Variants in PROS1 observed in about 807,000 individuals in gnomAD.
PROS1 encodes protein S.
A neutral mutation model predicts 75.9 loss-of-function variants in PROS1; 29 were observed. The observed-to-expected ratio is 0.38, with a 90% CI of 0.28 to 0.52. The LOEUF is 0.52. Among genes scored for constraint, PROS1 ranks in the 20% least tolerant of loss-of-function variants. The pLI, the probability that PROS1 is intolerant of heterozygous loss-of-function variation, is 0.83. For missense variants in PROS1, 680 were observed against 810.3 expected (o/e 0.84, Z 1.95); for synonymous variants, 245 against 280.6 (o/e 0.87, Z 1.27).
At chr3:93,950,006 C>G (rs746400763) in intron 1 of PROS1, among the ~76,000 whole-genome samples, 1 of 152,176 alleles carries the variant, frequency 6.6e-6, no homozygotes, top group South Asian at 2.1e-4. Context: ...TTCCAATGGT[C>G]TTATCAAATG....
At chr3:93,901,598 C>T (rs1232657960) in intron 6 of PROS1, among the ~76,000 whole-genome samples, 1 of 152,118 alleles carries the variant, frequency 6.6e-6, no homozygotes, top group African/African-American at 2.4e-5. Flanking sequence ...TATTAGTGAA[C>T]TATTCTGTGT....
intron 3 of PROS1, among the ~76,000 whole-genome samples, chr3:93,922,167 T>C (rs188972824): frequency 2.2e-4 from 33 of 152,324 alleles, no homozygotes; most frequent in African/African-American, 7.2e-4. Flanking sequence ...TAGAGAAGAT[T>C]TGAAGGGAGG....
chr3:93,972,456 T>C (rs1016220856), intron 1 of PROS1, among the ~76,000 whole-genome samples: 2 of 152,186 alleles, frequency 1.3e-5, no homozygotes, highest in Non-Finnish European at 2.9e-5. Context: ...CTTCAAAAAG[T>C]TTACTTTGGA....
Position 93,899,148 on chromosome 3 carries a change from G to GT in PROS1, c.728-580dup, listed in dbSNP as rs74466761. On this transcript the variant is annotated intron_variant, in intron 7 of 14. Coordinates refer to ENST00000394236, the MANE Select transcript of PROS1 (RefSeq NM_000313.4). Reference sequence around the variant, plus strand: ...TGGCAGTGAATTTAGGGAAATATCTGTTTTTTTTTTTTTAAAAAACCTCAC... The same window carrying GT: ...TGGCAGTGAATTTAGGGAAATATCTGTTTTTTTTTTTTTTAAAAAACCTCAC... Among the ~76,000 whole-genome samples the GT allele has an allele frequency of 3.5e-3, 498 of 142,368 alleles. 5 individuals carry two copies. The highest frequency in any genetic ancestry group is 0.03 in the East Asian group (148 of 4,892). The allele number at this position is 142,368 out of a possible 152,430, so 93.4% of individuals were successfully genotyped here.
intron 10 of PROS1, among the ~76,000 whole-genome samples, chr3:93,887,011 C>CG (rs1708358718): frequency 1.3e-5 from 2 of 151,404 alleles, no homozygotes; most frequent in Non-Finnish European, 2.9e-5. Flanking sequence ...CTCCGCTTCC[C>CG]GGGTTCACGC....
chr3:93,875,228 C>A (rs183015785), intron 14 of PROS1, among the ~76,000 whole-genome samples: 190 of 152,126 alleles, frequency 1.2e-3, no homozygotes, highest in African/African-American at 4.4e-3. Context: ...TACTCAAATT[C>A]ATTCGATTTT....
chr3:93,886,316 A>G lies in PROS1; in HGVS notation c.1323+20T>C, dbSNP rs1708347083. ...AAAAGGAACTCATCCATGATGAATG[A>G]TACAAGCTTGGATCATTACCGGTTT... is the stretch of plus-strand genomic sequence containing the variant. On this transcript the variant is annotated intron_variant, in intron 11 of 14. Transcript: ENST00000394236. 1 of 1,609,524 alleles carries G rather than the reference A, an allele frequency of 6.2e-7. No homozygotes were observed. The highest frequency in any genetic ancestry group is 1.1e-5 in the South Asian group (1 of 91,010).
chr3:93,927,951 ACT>A (rs1709049778), intron 1 of PROS1, among the ~76,000 whole-genome samples: 2 of 131,140 alleles, frequency 1.5e-5, no homozygotes, highest in East Asian at 2.2e-4. Flanking sequence ...ATATATATAT[ACT>A]TGTGTATATA....
At chr3:93,938,243 C>T (rs1383872210) in intron 1 of PROS1, among the ~76,000 whole-genome samples, 1 of 152,120 alleles carries the variant, frequency 6.6e-6, no homozygotes, top group Non-Finnish European at 1.5e-5. Flanking sequence ...CACCTTGTAA[C>T]CCCCGCCCCT....
At chr3:93,954,448 C>T (rs1340982189) in intron 1 of PROS1, among the ~76,000 whole-genome samples, 2 of 152,128 alleles carry the variant, frequency 1.3e-5, no homozygotes, top group East Asian at 3.9e-4. Context: ...TGATCTTTGA[C>T]AAACCTGACA....
chr3:93,942,777 A>T (rs1374075361), intron 1 of PROS1, among the ~76,000 whole-genome samples: 1 of 152,172 alleles, frequency 6.6e-6, no homozygotes, highest in Admixed American at 6.5e-5. Flanking sequence ...CCATCATGGA[A>T]ATCTATCCTC....
At chr3:93,879,043 A>G in intron 13 of PROS1, 120 bp downstream of exon 13, 1 of 1,039,890 alleles carries the variant, frequency 9.6e-7, no homozygotes, top group South Asian at 1.5e-5. Flanking sequence ...TGTGCCAAAC[A>G]CTTTACATAA....
At chr3:93,953,925 T>C (rs991235420) in intron 1 of PROS1, among the ~76,000 whole-genome samples, 113 of 152,032 alleles carry the variant, frequency 7.4e-4, no homozygotes, top group African/African-American at 2.7e-3. Context: ...CATTTCTATA[T>C]ACCAATAACA....
At chr3:93,937,516 C>T (rs1445414957) in intron 1 of PROS1, among the ~76,000 whole-genome samples, 14 of 151,880 alleles carry the variant, frequency 9.2e-5, no homozygotes, top group East Asian at 7.7e-4. Context: ...TACAGGTACC[C>T]GCCACCTCAC....
intron 1 of PROS1, among the ~76,000 whole-genome samples, chr3:93,952,319 T>G (rs548314822): frequency 6.6e-6 from 1 of 152,154 alleles, no homozygotes; most frequent in Non-Finnish European, 1.5e-5. Flanking sequence ...ATTGACCACA[T>G]AGTTGGAAGA....
chr3:93,940,607 G>T (rs1332817970), intron 1 of PROS1, among the ~76,000 whole-genome samples: 1 of 151,960 alleles, frequency 6.6e-6, no homozygotes, highest in African/African-American at 2.4e-5. Flanking sequence ...CTGCTTCCCT[G>T]ATGCCACCCT....
intron 1 of PROS1, among the ~76,000 whole-genome samples, chr3:93,971,159 T>C (rs1160122420): frequency 6.6e-6 from 1 of 151,550 alleles, no homozygotes; most frequent in Admixed American, 6.6e-5. Context: ...CTGGCCAACA[T>C]AGTGAAACCC....
chr3:93,918,275 C>T (rs1708890325), intron 3 of PROS1, among the ~76,000 whole-genome samples: 1 of 152,016 alleles, frequency 6.6e-6, no homozygotes, highest in Non-Finnish European at 1.5e-5. Flanking sequence ...CAATCAGCGC[C>T]CTGTCAAAAC....
rs1314389344 is a variant in PROS1, at chr3:93,905,963, G to A, written c.470-48C>T. ...TATTTTTAAAGTAATATAACCTGCA[G>A]AGAACTTTTCAGGAGACCAATCCTG... On this transcript the variant is annotated intron_variant, in intron 5 of 14. Transcript: ENST00000394236. 2.5e-6 allele frequency: 4 copies of A among 1,613,366 alleles called. No homozygotes were observed. The African/African-American group carries it at 4.0e-5, about 16-fold the overall frequency.
Sources: allele counts gnomAD v4.1 joint callset (sites outside exome capture counted in the v4.1 genomes callset), GRCh38; gene constraint gnomAD v4.1.1; transcripts MANE v1.5; gene names NCBI Gene and HGNC (gene_info 2026-07-23, HGNC 2026-07-21).